The following UXS1 variants were observed in gnomAD, a reference collection of about 807,000 sequenced individuals.
UXS1 encodes UDP-glucuronate decarboxylase 1.
In UXS1, 33 loss-of-function variants were observed where a neutral mutation model predicts 62.6. The observed-to-expected ratio is 0.53, with a 90% CI of 0.40 to 0.70. The LOEUF (loss-of-function observed/expected upper bound fraction) is 0.70. Among genes scored for constraint, UXS1 ranks in the 30% least tolerant of loss-of-function variants. UXS1 has a pLI of 0.00. For missense variants in UXS1, 434 were observed against 556.3 expected, an observed-to-expected ratio of 0.78 and a Z score of 2.21; for synonymous variants, 213 against 206.8, an observed-to-expected ratio of 1.03 and a Z score of -0.26.
Position 106,194,263 on chromosome 2 carries a change from A to G in UXS1, c.-22T>C, listed in dbSNP as rs1307659263. The G allele has an allele frequency of 4.6e-6, 6 of 1,299,926 alleles. No individual in the cohort carries two copies. Among genetic ancestry groups the G allele is most frequent in the South Asian group, 1.7e-5 (1 of 59,860 alleles). 80.5% of individuals were successfully genotyped at this position (1,299,926 alleles called of 1,614,324 possible). A position where few individuals can be genotyped will look rare whatever the true frequency, so the allele number is the denominator to read the frequency against. On this transcript the variant is annotated 5_prime_UTR_variant, in exon 1 of 15. Transcript: ENST00000283148. ...CCATCCCCGGGAGCCGCGCGGGTCC[A>G]GGGCCCTACCGCGCGGGGGCCCGCC... is the stretch of plus-strand genomic sequence containing the variant.
intron 10 of UXS1, among the ~76,000 whole-genome samples, chr2:106,105,245 G>A (rs1042509331): frequency 1.3e-5 from 2 of 152,190 alleles, no homozygotes; most frequent in Non-Finnish European, 2.9e-5. Context: ...CCCAACAGCA[G>A]AGCTGGGGAT....
intron 11 of UXS1, 108 bp downstream of exon 11, chr2:106,104,686 G>C: frequency 7.4e-7 from 1 of 1,352,590 alleles, no homozygotes; most frequent in Admixed American, 1.7e-5. Flanking sequence ...TATAGTGTTA[G>C]CGTTGTGGAA....
chr2:106,119,295 G>A (rs1679325991), intron 9 of UXS1, among the ~76,000 whole-genome samples: 1 of 152,166 alleles, frequency 6.6e-6, no homozygotes, highest in Non-Finnish European at 1.5e-5. Context: ...GCTTCAGCCT[G>A]CAGGGACAGC....
intron 1 of UXS1, among the ~76,000 whole-genome samples, chr2:106,170,969 A>T (rs1683517758): frequency 6.6e-6 from 1 of 152,256 alleles, no homozygotes; most frequent in Non-Finnish European, 1.5e-5. Flanking sequence ...TAGTACCAGG[A>T]ATCAATATTA....
intron 9 of UXS1, among the ~76,000 whole-genome samples, chr2:106,120,839 G>A (rs1171788943): frequency 6.6e-6 from 1 of 152,188 alleles, no homozygotes; most frequent in Non-Finnish European, 1.5e-5. Flanking sequence ...TGACTCCATA[G>A]AAGGCGTATC....
intron 5 of UXS1, among the ~76,000 whole-genome samples, chr2:106,153,875 T>C (rs1362723650): frequency 6.6e-6 from 1 of 152,096 alleles, no homozygotes; most frequent in Non-Finnish European, 1.5e-5. Context: ...ACATAGATAA[T>C]AAAGAGAGAT....
intron 10 of UXS1, among the ~76,000 whole-genome samples, chr2:106,105,757 G>C (rs996326802): frequency 5.9e-5 from 9 of 152,250 alleles, no homozygotes; most frequent in Non-Finnish European, 1.0e-4. Context: ...CTGAGGCGGA[G>C]ACGGCAACAG....
intron 1 of UXS1, among the ~76,000 whole-genome samples, chr2:106,184,655 G>C (rs997039367): frequency 6.6e-6 from 1 of 152,176 alleles, no homozygotes; most frequent in African/African-American, 2.4e-5. Flanking sequence ...CTGTTACAAA[G>C]ACACTATCCC....
intron 13 of UXS1, chr2:106,097,131 GACCACCCACACCAGGTA>G (rs1313009128): frequency 5.9e-6 from 3 of 507,626 alleles, no homozygotes; most frequent in African/African-American, 5.8e-5. Context: ...CTCCAAGGCA[GACCACCCACACCAGGTA>G]ACAAGTGCAG....
chr2:106,100,837 G>T, intron 12 of UXS1: 1 of 584,596 alleles, frequency 1.7e-6, no homozygotes, highest in South Asian at 2.2e-5. Flanking sequence ...AGAAGGTGGA[G>T]GGACTGATTA....
At chr2:106,129,864 G>A (rs558974074) in intron 6 of UXS1, 86 bp from the exon 7 acceptor site, 2 of 706,622 alleles carry the variant, frequency 2.8e-6, no homozygotes, top group Non-Finnish European at 2.3e-6. Flanking sequence ...TATAATAAAC[G>A]TATTAGTATA....
intron 2 of UXS1, 84 bp from the exon 3 acceptor site, chr2:106,164,883 A>G (rs1459733044): frequency 4.1e-6 from 4 of 967,420 alleles, no homozygotes; most frequent in African/African-American, 1.7e-5. Context: ...CAACGGATGC[A>G]GACCACCTCT....
intron 10 of UXS1, among the ~76,000 whole-genome samples, chr2:106,111,736 C>A (rs936044724): frequency 1.3e-5 from 2 of 152,206 alleles, no homozygotes; most frequent in Non-Finnish European, 2.9e-5. Flanking sequence ...ATATGTACTA[C>A]ACAGAAATAC....
chr2:106,162,907 G>C (rs931351237), intron 4 of UXS1, among the ~76,000 whole-genome samples: 2 of 152,098 alleles, frequency 1.3e-5, no homozygotes, highest in African/African-American at 4.8e-5. Flanking sequence ...CTTGATAAAA[G>C]GCTCATTCAA....
At chr2:106,139,028 C>A in intron 6 of UXS1, 1 of 302,756 alleles carries the variant, frequency 3.3e-6, no homozygotes, top group Non-Finnish European at 4.9e-6. Context: ...TAACAACCGG[C>A]TTCGGAATAT....
At chr2:106,191,292 T>C (rs1364785994) in intron 1 of UXS1, among the ~76,000 whole-genome samples, 2 of 152,256 alleles carry the variant, frequency 1.3e-5, no homozygotes, top group Middle Eastern at 3.4e-3. Context: ...AGGGTGTATA[T>C]AATTGGGAAG....
At chr2:106,147,267 A>G (rs1317625240) in intron 5 of UXS1, among the ~76,000 whole-genome samples, 1 of 152,136 alleles carries the variant, frequency 6.6e-6, no homozygotes, top group African/African-American at 2.4e-5. Context: ...ATGCCTCACT[A>G]TACTTTCTCT....
At chr2:106,173,429 C>T (rs1683686265) in intron 1 of UXS1, among the ~76,000 whole-genome samples, 1 of 152,140 alleles carries the variant, frequency 6.6e-6, no homozygotes, top group African/African-American at 2.4e-5. Context: ...TGGCACACAC[C>T]TGTGGTCCCT....
At chr2:106,190,869 G>C (rs775459811) in intron 1 of UXS1, among the ~76,000 whole-genome samples, 1 of 151,862 alleles carries the variant, frequency 6.6e-6, no homozygotes, top group Non-Finnish European at 1.5e-5. Flanking sequence ...AAAAAAATAC[G>C]TTAAAGGTAA....
Sources: allele counts gnomAD v4.1 joint callset (sites outside exome capture counted in the v4.1 genomes callset), GRCh38; gene constraint gnomAD v4.1.1; transcripts MANE v1.5; gene names NCBI Gene and HGNC (gene_info 2026-07-23, HGNC 2026-07-21).